Variants in SLIT3 observed in about 807,000 individuals in gnomAD.
SLIT3 encodes slit homolog 3 protein.
In SLIT3, 68 loss-of-function variants were observed where a neutral mutation model predicts 184.0. The observed-to-expected ratio is 0.37, with a 90% CI of 0.30 to 0.45. The LOEUF is 0.45. Among genes scored for constraint, SLIT3 ranks in the 20% least tolerant of loss-of-function variants. The pLI is 1.00. For missense variants in SLIT3, 1,707 were observed against 2,026.0 expected, an observed-to-expected ratio of 0.84 and a Z score of 3.02; for synonymous variants, 831 against 828.6, an observed-to-expected ratio of 1.00 and a Z score of -0.05.
chr5:168,974,489 G>A (rs746208708), intron 4 of SLIT3, among the ~76,000 whole-genome samples: 6 of 152,214 alleles, frequency 3.9e-5, no homozygotes, highest in Non-Finnish European at 2.9e-5. Flanking sequence ...GGTGACTGAA[G>A]GGGTTTTCAA....
intron 4 of SLIT3, among the ~76,000 whole-genome samples, chr5:169,020,798 G>A (rs1026496971): frequency 1.3e-5 from 2 of 152,116 alleles, no homozygotes; most frequent in African/African-American, 2.4e-5. Context: ...CAGTGGTCGC[G>A]GAAACTACTT....
intron 4 of SLIT3, among the ~76,000 whole-genome samples, chr5:169,075,905 G>A (rs1289196760): frequency 1.3e-5 from 2 of 152,156 alleles, no homozygotes; most frequent in African/African-American, 2.4e-5. Flanking sequence ...GTCTCTGCAG[G>A]CTTAAATAAA....
chr5:168,669,370 C>A (rs9313421), intron 35 of SLIT3, among the ~76,000 whole-genome samples: 1 of 152,134 alleles, frequency 6.6e-6, no homozygotes, highest in Admixed American at 6.5e-5. Flanking sequence ...TGGGACCTCC[C>A]GCCAACACCC....
At chr5:169,035,320 C>T (rs1184416219) in intron 4 of SLIT3, among the ~76,000 whole-genome samples, 1 of 151,966 alleles carries the variant, frequency 6.6e-6, no homozygotes, top group Non-Finnish European at 1.5e-5. Flanking sequence ...TGAAGGCCAA[C>T]TTTATGTCAG....
intron 4 of SLIT3, among the ~76,000 whole-genome samples, chr5:169,193,032 T>C (rs1289214505): frequency 6.6e-6 from 1 of 152,110 alleles, no homozygotes; most frequent in Non-Finnish European, 1.5e-5. Flanking sequence ...CTGGCAGCGC[T>C]AGGAAGTGGG....
Position 168,752,965 on chromosome 5 carries a change from G to T in SLIT3, c.1963C>A (p.Leu655Met), listed in dbSNP as rs760808564. The T allele has an allele frequency of 6.2e-7, 1 of 1,614,108 alleles. No homozygotes were observed. Among genetic ancestry groups the T allele is most frequent in the Admixed American group, 1.7e-5 (1 of 60,032 alleles). Residue 655 changes from leucine (L) to methionine (M), a missense_variant, in exon 18 of 36, where the codon CTG (leucine) becomes ATG (methionine). Leu to Met is a conservative substitution (Grantham distance 15). Transcript: ENST00000519560. ...CCCAGGAGAACTTACATGGTGGACA[G>T]GGAGACAAGCGTGGTGAAGGCCCCA... The part of the protein sequence containing the change: ...TPGAFTTLVS[L>M]STINLLSNPF...
intron 27 of SLIT3, among the ~76,000 whole-genome samples, chr5:168,698,514 C>T (rs1273245019): frequency 6.6e-6 from 1 of 152,136 alleles, no homozygotes; most frequent in African/African-American, 2.4e-5. Flanking sequence ...CAAGGACCCT[C>T]CCCTAGAGGC....
chr5:168,822,953 ATCTCT>A (rs1169024218), intron 7 of SLIT3, among the ~76,000 whole-genome samples: 1 of 152,188 alleles, frequency 6.6e-6, no homozygotes, highest in Non-Finnish European at 1.5e-5. Flanking sequence ...TGTAAAACTA[ATCTCT>A]TCTATCAGGA....
intron 4 of SLIT3, among the ~76,000 whole-genome samples, chr5:168,916,852 T>C (rs1761452077): frequency 6.6e-6 from 1 of 152,164 alleles, no homozygotes; most frequent in Non-Finnish European, 1.5e-5. Context: ...CCAGCTCCAC[T>C]GGGGAAGCCT....
chr5:168,984,997 T>C (rs1441251538), intron 4 of SLIT3, among the ~76,000 whole-genome samples: 2 of 152,192 alleles, frequency 1.3e-5, no homozygotes, highest in African/African-American at 4.8e-5. Flanking sequence ...AGAGAAATGC[T>C]AAGAGGAAAG....
At chr5:169,136,713 G>C (rs989635356) in intron 4 of SLIT3, among the ~76,000 whole-genome samples, 2 of 152,138 alleles carry the variant, frequency 1.3e-5, no homozygotes, top group African/African-American at 4.8e-5. Context: ...TTTCCCATTG[G>C]AGAATGGGCC....
chr5:169,014,536 G>A (rs1186413705), intron 4 of SLIT3, among the ~76,000 whole-genome samples: 2 of 152,178 alleles, frequency 1.3e-5, no homozygotes, highest in African/African-American at 2.4e-5. Flanking sequence ...CCTCCACACA[G>A]ACACACACAC....
At position 168,789,641 on chromosome 5, in the gene SLIT3, T is replaced by G; in HGVS notation, c.1008-10A>C. On this transcript the variant is annotated splice_polypyrimidine_tract_variant and intron_variant, in intron 10 of 35. Transcript: ENST00000519560. ...ATTCTTGCTGATGTCTCTGAAAACGTTAACGGTAAAGTCTGAGAACATGGC... is the reference window on the plus strand; with the variant it reads ...ATTCTTGCTGATGTCTCTGAAAACGGTAACGGTAAAGTCTGAGAACATGGC... 6.2e-7 allele frequency: 1 copy of G among 1,611,316 alleles called. No homozygotes were observed. The highest frequency in any genetic ancestry group is 8.5e-7 in the Non-Finnish European group (1 of 1,177,930).
At chr5:169,250,327 A>G (rs150871195) in intron 2 of SLIT3, among the ~76,000 whole-genome samples, 6 of 152,360 alleles carry the variant, frequency 3.9e-5, no homozygotes, top group African/African-American at 1.4e-4. Context: ...ACGCTTCACA[A>G]GTAATCACAA....
intron 4 of SLIT3, among the ~76,000 whole-genome samples, chr5:169,021,837 C>T (rs1283072158): frequency 6.6e-6 from 1 of 152,174 alleles, no homozygotes; most frequent in African/African-American, 2.4e-5. Context: ...CTGCGTTGCT[C>T]ACCATGGCAG....
chr5:168,834,960 G>A (rs1042474809), intron 6 of SLIT3, among the ~76,000 whole-genome samples: 9 of 152,116 alleles, frequency 5.9e-5, no homozygotes, highest in African/African-American at 1.9e-4. Context: ...TGAGCTACAC[G>A]TGGCAATTCA....
chr5:169,183,466 G>T (rs772773996), intron 4 of SLIT3, among the ~76,000 whole-genome samples: 1 of 152,156 alleles, frequency 6.6e-6, no homozygotes, highest in Non-Finnish European at 1.5e-5. Context: ...CTTTCTTGCA[G>T]TGAGGGATTC....
intron 1 of SLIT3, among the ~76,000 whole-genome samples, chr5:169,290,842 T>C (rs987166140): frequency 6.6e-6 from 1 of 151,822 alleles, no homozygotes; most frequent in Non-Finnish European, 1.5e-5. Flanking sequence ...GGGCACACGC[T>C]AGGGCACATG....
chr5:168,766,665 A>G (rs1755356622), intron 14 of SLIT3, among the ~76,000 whole-genome samples: 1 of 152,214 alleles, frequency 6.6e-6, no homozygotes. Context: ...GAAGGGCACC[A>G]TTATGGACCC....
Sources: allele counts gnomAD v4.1 joint callset (sites outside exome capture counted in the v4.1 genomes callset), GRCh38; gene constraint gnomAD v4.1.1; transcripts MANE v1.5; gene names NCBI Gene and HGNC (gene_info 2026-07-23, HGNC 2026-07-21).